The following PRKG1 variants were observed in gnomAD, a reference collection of about 807,000 sequenced individuals.
The protein encoded by PRKG1 is protein kinase cGMP-dependent 1.
In PRKG1, 35 loss-of-function variants were observed where a neutral mutation model predicts 88.1. That is an observed-to-expected ratio of 0.40 (90% CI 0.30 to 0.53). The LOEUF (loss-of-function observed/expected upper bound fraction) is 0.53, where lower values mean the gene tolerates loss of function less well. Ranked by LOEUF, PRKG1 falls within the 20% of genes least tolerant of loss-of-function variation. The pLI, the probability that PRKG1 is intolerant of heterozygous loss-of-function variation, is 0.59. For missense variants in PRKG1, 540 were observed against 839.8 expected, an observed-to-expected ratio of 0.64 and a Z score of 4.41; for synonymous variants, 303 against 292.5, an observed-to-expected ratio of 1.04 and a Z score of -0.37.
intron 4 of PRKG1, among the ~76,000 whole-genome samples, chr10:51,899,671 G>GTATATA (rs57320165): frequency 0.019 from 2,266 of 120,338 alleles, 100 homozygotes; most frequent in African/African-American, 0.061. Flanking sequence ...AAAGAAAAAT[G>GTATATA]TATATATATA....
At chr10:51,307,050 C>T (rs931784148) in intron 2 of PRKG1, among the ~76,000 whole-genome samples, 8 of 151,996 alleles carry the variant, frequency 5.3e-5, no homozygotes, top group Admixed American at 3.9e-4. Flanking sequence ...ATCAGTTGCC[C>T]CCTTCCTGAG....
intron 1 of PRKG1, among the ~76,000 whole-genome samples, chr10:51,054,017 A>G (rs1479310449): frequency 6.6e-6 from 1 of 152,148 alleles, no homozygotes; most frequent in Non-Finnish European, 1.5e-5. Flanking sequence ...TTAGAAGACT[A>G]TATGTGAAAC....
intron 3 of PRKG1, among the ~76,000 whole-genome samples, chr10:51,669,210 A>G (rs1840495909): frequency 6.6e-6 from 1 of 152,166 alleles, no homozygotes; most frequent in African/African-American, 2.4e-5. Flanking sequence ...ATTTTCCTAT[A>G]GTTCTGAGGG....
intron 7 of PRKG1, among the ~76,000 whole-genome samples, chr10:52,066,587 T>TG (rs962691993): frequency 1.3e-5 from 2 of 152,058 alleles, no homozygotes; most frequent in South Asian, 4.2e-4. Context: ...CGCTTGACCA[T>TG]GGGGGGCAGG....
chr10:52,131,253 C>T (rs1010556518), intron 7 of PRKG1, among the ~76,000 whole-genome samples: 3 of 152,118 alleles, frequency 2.0e-5, no homozygotes, highest in Non-Finnish European at 2.9e-5. Context: ...GGTCCCGGCC[C>T]TCATAGGGTT....
At chr10:51,395,637 G>A (rs181205239) in intron 2 of PRKG1, among the ~76,000 whole-genome samples, 14 of 152,294 alleles carry the variant, frequency 9.2e-5, no homozygotes, top group South Asian at 2.1e-4. Flanking sequence ...GATCAAATAA[G>A]CAGAAAAAGT....
chr10:52,057,955 C>G lies in PRKG1; in HGVS notation c.840+3394C>G, dbSNP rs1388284623. Among the ~76,000 whole-genome samples, 4 of 151,364 alleles carry G rather than the reference C, an allele frequency of 2.6e-5. No individual in the cohort carries two copies. In the East Asian group the frequency reaches 7.7e-4, roughly 29 times the overall value. ...TTTTGTTTAATGTGGTACTAGACAT[C>G]CCAAATACTATAGTAAGTTAAGAAA... is the stretch of plus-strand genomic sequence containing the variant. On this transcript the variant is annotated intron_variant, in intron 6 of 17. Transcript: ENST00000373980.
At chr10:51,692,236 A>ATTTT (rs1159984893) in intron 3 of PRKG1, among the ~76,000 whole-genome samples, 4 of 138,252 alleles carry the variant, frequency 2.9e-5, no homozygotes, top group African/African-American at 1.2e-4. Flanking sequence ...GGCCTTTTTA[A>ATTTT]AAAAAAAAAA....
At chr10:51,818,376 G>A (rs1167021259) in intron 4 of PRKG1, among the ~76,000 whole-genome samples, 1 of 151,466 alleles carries the variant, frequency 6.6e-6, no homozygotes, top group Admixed American at 6.6e-5. Context: ...ACTTAACTTC[G>A]AAGCCCCATA....
At chr10:51,740,708 G>A (rs200379524) in intron 3 of PRKG1, among the ~76,000 whole-genome samples, 1 of 152,034 alleles carries the variant, frequency 6.6e-6, no homozygotes, top group Non-Finnish European at 1.5e-5. Flanking sequence ...ATGTCTCAAG[G>A]ACTCTAAGTG....
At chr10:51,313,669 A>C (rs977096850) in intron 2 of PRKG1, among the ~76,000 whole-genome samples, 1 of 152,206 alleles carries the variant, frequency 6.6e-6, no homozygotes, top group African/African-American at 2.4e-5. Flanking sequence ...CTTGGTATCC[A>C]TAGGGGGATT....
At chr10:51,038,462 C>T (rs1333242144) in intron 1 of PRKG1, among the ~76,000 whole-genome samples, 1 of 152,156 alleles carries the variant, frequency 6.6e-6, no homozygotes, top group Non-Finnish European at 1.5e-5. Flanking sequence ...TAACCATCCC[C>T]ATTTCTTACC....
intron 1 of PRKG1, among the ~76,000 whole-genome samples, chr10:51,137,407 T>C (rs1933391109): frequency 6.6e-6 from 1 of 152,134 alleles, no homozygotes; most frequent in African/African-American, 2.4e-5. Context: ...AAATCAAAGT[T>C]TCAGGATAAG....
intron 3 of PRKG1, among the ~76,000 whole-genome samples, chr10:51,522,906 T>C (rs776986092): frequency 6.6e-6 from 1 of 151,444 alleles, no homozygotes; most frequent in Non-Finnish European, 1.5e-5. Flanking sequence ...TTACTGTATT[T>C]ATTAAAAACC....
intron 2 of PRKG1, among the ~76,000 whole-genome samples, chr10:51,211,281 A>G (rs1838211692): frequency 6.6e-6 from 1 of 152,164 alleles, no homozygotes; most frequent in Non-Finnish European, 1.5e-5. Context: ...CATGCTAAAT[A>G]CTCTCAATAA....
chr10:52,000,666 A>C (rs767713784), intron 5 of PRKG1, among the ~76,000 whole-genome samples: 2 of 151,992 alleles, frequency 1.3e-5, no homozygotes, highest in Non-Finnish European at 2.9e-5. Flanking sequence ...CTCTTCTTCT[A>C]TCTCTTCTAC....
At chr10:52,161,345 TCTC>T (rs1838270993) in intron 8 of PRKG1, among the ~76,000 whole-genome samples, 2 of 152,058 alleles carry the variant, frequency 1.3e-5, no homozygotes, top group African/African-American at 2.4e-5. Flanking sequence ...TCTGTGATCT[TCTC>T]CTTTTGTTTT....
chr10:51,477,329 C>T (rs1484541405), intron 3 of PRKG1, among the ~76,000 whole-genome samples: 1 of 149,418 alleles, frequency 6.7e-6, no homozygotes, highest in East Asian at 2.0e-4. Flanking sequence ...CAAACTAGAT[C>T]GAGACAAATA....
chr10:52,201,323 T>C (rs1048390200), intron 9 of PRKG1, among the ~76,000 whole-genome samples: 1 of 152,216 alleles, frequency 6.6e-6, no homozygotes, highest in African/African-American at 2.4e-5. Flanking sequence ...CCTTTCTCCA[T>C]TGATTGTTTA....
Sources: gnomAD v4.1 joint callset for allele counts (sites outside exome capture counted in the v4.1 genomes callset) on GRCh38, gnomAD v4.1.1 for gene constraint, MANE v1.5 for transcripts, NCBI Gene and HGNC (gene_info 2026-07-23, HGNC 2026-07-21) for gene names.